PRKACB: variants seen among roughly 807,000 people sequenced by gnomAD.
PRKACB encodes the protein cAMP-dependent protein kinase catalytic subunit beta.
In PRKACB, 16 loss-of-function variants were observed where a neutral mutation model predicts 51.4. The observed-to-expected ratio is 0.31, with a 90% CI of 0.21 to 0.47. PRKACB has a LOEUF of 0.47. Among genes scored for constraint, PRKACB ranks in the 20% least tolerant of loss-of-function variants. PRKACB has a pLI of 1.00. For missense variants in PRKACB, 309 were observed against 464.5 expected, an observed-to-expected ratio of 0.67 and a Z score of 3.08; for synonymous variants, 147 against 154.4, an observed-to-expected ratio of 0.95 and a Z score of 0.35.
chr1:84,094,272 T>C (rs1209911407), intron 1 of PRKACB, among the ~76,000 whole-genome samples: 1 of 152,042 alleles, frequency 6.6e-6, no homozygotes, highest in Non-Finnish European at 1.5e-5. Flanking sequence ...GGTTTGCTAA[T>C]TATTTTTCCT....
chr1:84,135,510 A>C (rs1320757656), intron 1 of PRKACB, among the ~76,000 whole-genome samples: 1 of 152,170 alleles, frequency 6.6e-6, no homozygotes, highest in Non-Finnish European at 1.5e-5. Context: ...GCATTTACCA[A>C]GATAGACCAC....
chr1:84,155,418 A>G (rs1655374060), intron 1 of PRKACB, among the ~76,000 whole-genome samples: 1 of 152,176 alleles, frequency 6.6e-6, no homozygotes, highest in South Asian at 2.1e-4. Context: ...TGAAGAATAA[A>G]TGTTGTTAAA....
At chr1:84,197,640 T>A (rs1668574216) in intron 6 of PRKACB, 89 bp from the exon 7 acceptor site, 8 of 837,432 alleles carry the variant, frequency 9.6e-6, no homozygotes. Context: ...ATAGTTTCAA[T>A]TTGAATTTTA....
intron 2 of PRKACB, among the ~76,000 whole-genome samples, chr1:84,179,535 G>A (rs2100950040): frequency 6.6e-6 from 1 of 151,644 alleles, no homozygotes; most frequent in East Asian, 1.9e-4. Flanking sequence ...TTATGCCTTT[G>A]ATAGCATACT....
intron 1 of PRKACB, among the ~76,000 whole-genome samples, chr1:84,124,888 A>C (rs981048911): frequency 1.3e-5 from 2 of 152,180 alleles, no homozygotes; most frequent in African/African-American, 4.8e-5. Flanking sequence ...TGTTAAAGGG[A>C]GACAGTGCCC....
intron 4 of PRKACB, 82 bp downstream of exon 4, chr1:84,184,217 A>T (rs1664436423): frequency 8.3e-7 from 1 of 1,200,030 alleles, no homozygotes. Flanking sequence ...TCTAAACCAG[A>T]TGATAAGCCT....
chr1:84,209,671 A>T (rs1292261988), intron 8 of PRKACB, among the ~76,000 whole-genome samples: 1 of 152,192 alleles, frequency 6.6e-6, no homozygotes, highest in East Asian at 1.9e-4. Flanking sequence ...AGACCTTACT[A>T]TGCAAAGTTT....
At chr1:84,150,294 A>C (rs936159087) in intron 1 of PRKACB, among the ~76,000 whole-genome samples, 2 of 152,144 alleles carry the variant, frequency 1.3e-5, no homozygotes, top group Non-Finnish European at 2.9e-5. Context: ...AATTAAAATA[A>C]AATAAAATAA....
intron 1 of PRKACB, among the ~76,000 whole-genome samples, chr1:84,102,374 G>T (rs183347638): frequency 6.6e-6 from 1 of 151,992 alleles, no homozygotes; most frequent in Non-Finnish European, 1.5e-5. Context: ...GCGACAGAGC[G>T]AGACTCCATC....
At chr1:84,200,055 C>G (rs191125019) in intron 7 of PRKACB, among the ~76,000 whole-genome samples, 82 of 152,166 alleles carry the variant, frequency 5.4e-4, no homozygotes, top group African/African-American at 2.0e-3. Flanking sequence ...CCATATTGGT[C>G]AGGCTGGTCT....
rs545867238 is a variant in PRKACB at position 84,159,087 on chromosome 1, C to T, written c.187+14539C>T. Among the ~76,000 whole-genome samples, 7 of 152,122 alleles carry T rather than the reference C, an allele frequency of 4.6e-5. No homozygotes were observed. In the East Asian group the frequency reaches 9.6e-4, roughly 21 times the overall value. ...ATAGTGTAAGTCCTCCAACTTTGTT[C>T]TTCTTTTATCAAAATTGTTTTGTCT... On this transcript the variant is annotated intron_variant, in intron 1 of 9. Coordinates refer to ENST00000370685, the MANE Select transcript of PRKACB (RefSeq NM_182948.4).
chr1:84,137,850 A>G (rs987988512), intron 1 of PRKACB, among the ~76,000 whole-genome samples: 2 of 152,208 alleles, frequency 1.3e-5, no homozygotes, highest in Non-Finnish European at 2.9e-5. Context: ...TAGGATTTAC[A>G]GATAAGCAAG....
chr1:84,182,550 C>T (rs556807699), intron 3 of PRKACB, among the ~76,000 whole-genome samples: 7 of 151,890 alleles, frequency 4.6e-5, no homozygotes, highest in Non-Finnish European at 8.8e-5. Flanking sequence ...TGGATTTAAC[C>T]AATCACAGAT....
chr1:84,083,107 A>C (rs577901303), intron 1 of PRKACB, among the ~76,000 whole-genome samples: 1 of 152,280 alleles, frequency 6.6e-6, no homozygotes, highest in South Asian at 2.1e-4. Flanking sequence ...CTATTGAAAA[A>C]TTTCTGTAGA....
At chr1:84,180,430 A>AGGG (rs1454784624) in intron 2 of PRKACB, among the ~76,000 whole-genome samples, 2 of 151,164 alleles carry the variant, frequency 1.3e-5, no homozygotes, top group Non-Finnish European at 3.0e-5. Context: ...GGAGAATGGG[A>AGGG]GGGAGGCAAG....
intron 1 of PRKACB, among the ~76,000 whole-genome samples, chr1:84,113,105 A>G (rs1405316572): frequency 6.6e-6 from 1 of 152,206 alleles, no homozygotes; most frequent in South Asian, 2.1e-4. Context: ...ATATGAAAAT[A>G]TTTTATTTCA....
intron 1 of PRKACB, chr1:84,086,074 C>A (rs934624984): frequency 1.6e-6 from 2 of 1,221,702 alleles, no homozygotes; most frequent in Non-Finnish European, 2.4e-6. Flanking sequence ...TGCTGATGGC[C>A]AAGGTGTATA....
At chr1:84,088,748 A>G (rs1053925577) in intron 1 of PRKACB, among the ~76,000 whole-genome samples, 1 of 152,190 alleles carries the variant, frequency 6.6e-6, no homozygotes, top group African/African-American at 2.4e-5. Context: ...ATTCTTAATC[A>G]GTACTTATTG....
At chr1:84,204,532 C>T in intron 8 of PRKACB, 1 of 1,599,426 alleles carries the variant, frequency 6.3e-7, no homozygotes, top group Non-Finnish European at 8.5e-7. Context: ...ACAGACAAGG[C>T]AGTGATTTAT....
Sources: allele counts gnomAD v4.1 joint callset (sites outside exome capture counted in the v4.1 genomes callset), GRCh38; gene constraint gnomAD v4.1.1; transcripts MANE v1.5; gene names NCBI Gene and HGNC (gene_info 2026-07-23, HGNC 2026-07-21).